Variants in NOC3L observed in about 807,000 individuals in gnomAD.
NOC3L encodes nucleolar complex protein 3 homolog.
In NOC3L, 85 loss-of-function variants were observed where a neutral mutation model predicts 102.5. That is an observed-to-expected ratio of 0.83 (90% confidence interval 0.70 to 0.99). The LOEUF (loss-of-function observed/expected upper bound fraction) is 0.99. Among genes scored for constraint, NOC3L ranks in the 50% least tolerant of loss-of-function variants. NOC3L has a pLI of 0.00. For missense variants in NOC3L, 878 were observed against 914.9 expected, an observed-to-expected ratio of 0.96 and a Z score of 0.52; for synonymous variants, 303 against 309.4, an observed-to-expected ratio of 0.98 and a Z score of 0.22.
rs1208654457 is a variant in NOC3L, at chr10:94,339,755, G to A, written c.1946C>T (p.Thr649Ile). Reference protein sequence around the residue: ...PNSSIGILATTRILMHTFPKT... With the variant: ...PNSSIGILATIRILMHTFPKT... Reference sequence around the variant, plus strand: ...ACTACTTACATGCATTAATATTCTGGTAGTTGCTAAAATGCCAATACTTGA... The same window carrying A: ...ACTACTTACATGCATTAATATTCTGATAGTTGCTAAAATGCCAATACTTGA... The change falls in exon 17 of 21, where the codon ACC (threonine) becomes ATC (isoleucine). Residue 649 changes from threonine to isoleucine, a missense_variant. Thr to Ile is a moderately conservative substitution (Grantham distance 89). Coordinates refer to ENST00000371361, the MANE Select transcript of NOC3L (RefSeq NM_022451.11). The A allele has an allele frequency of 3.1e-6, 5 of 1,613,710 alleles. No homozygotes were observed. The highest frequency in any genetic ancestry group is 2.2e-5 in the East Asian group (1 of 44,880).
chr10:94,357,373 T>A, intron 3 of NOC3L, 42 bp from the exon 4 acceptor site: 1 of 1,475,704 alleles, frequency 6.8e-7, no homozygotes, highest in Non-Finnish European at 9.0e-7. Context: ...TTAATAGATC[T>A]AAAAAGTTAT....
chr10:94,359,584 G>A (rs1157179826), intron 2 of NOC3L, among the ~76,000 whole-genome samples: 7 of 152,148 alleles, frequency 4.6e-5, no homozygotes, highest in Non-Finnish European at 8.8e-5. Flanking sequence ...CAAAAGATAT[G>A]AATAGACATT....
chr10:94,335,358 T>C (rs1242961146), intron 19 of NOC3L, among the ~76,000 whole-genome samples: 1 of 152,138 alleles, frequency 6.6e-6, no homozygotes, highest in Non-Finnish European at 1.5e-5. Context: ...GGAAACATCT[T>C]TCCTTAGCAA....
intron 6 of NOC3L, 127 bp from the exon 7 acceptor site, chr10:94,353,184 A>G (rs2054442234): frequency 1.4e-6 from 1 of 698,578 alleles, no homozygotes; most frequent in Admixed American, 2.8e-5. Context: ...GTCATGCCAC[A>G]CCAAACTCCA....
Position 94,357,986 on chromosome 10 carries a change from C to T in NOC3L, c.350+97G>A, listed in dbSNP as rs557253884. On this transcript the variant is annotated intron_variant, in intron 3 of 20. Transcript: ENST00000371361. ...TACTTTATTCTTTGTAAACATTGTG[C>T]TCAAAGGTGAACACCTTGAACCACC... 2.9e-3 allele frequency: 2,161 copies of T among 757,690 alleles called. 4 individuals carry two copies. The highest frequency in any genetic ancestry group is 4.2e-3 in the Non-Finnish European group (1,794 of 429,874). The allele number at this position is 757,690 out of a possible 1,614,324, so 46.9% of individuals were successfully genotyped here. A position where few individuals can be genotyped will look rare whatever the true frequency, so the allele number is the denominator to read the frequency against.
At chr10:94,349,820 G>A (rs573379534) in intron 9 of NOC3L, among the ~76,000 whole-genome samples, 22 of 151,950 alleles carry the variant, frequency 1.4e-4, no homozygotes, top group Admixed American at 8.5e-4. Flanking sequence ...GTGCAATGGC[G>A]CAATCTCAGC....
the NOC3L span, chr10:94,325,166 G>A: frequency 5.2e-6 from 6 of 1,155,160 alleles, no homozygotes; most frequent in African/African-American, 1.5e-5. Context: ...TGTAAGGAAG[G>A]CATAATTAGT....
the NOC3L span, chr10:94,324,392 C>T: frequency 6.2e-7 from 1 of 1,614,094 alleles, no homozygotes. Flanking sequence ...CTGAGCAACC[C>T]CAATCCAAGC....
At chr10:94,326,652 T>C in the NOC3L span, among the ~76,000 whole-genome samples, 1 of 152,220 alleles carries the variant, frequency 6.6e-6, no homozygotes, top group Admixed American at 6.5e-5. Flanking sequence ...AAAAATAATA[T>C]GCCTACTATA....
the NOC3L span, among the ~76,000 whole-genome samples, chr10:94,319,065 A>C: frequency 6.6e-6 from 1 of 152,098 alleles, no homozygotes; most frequent in African/African-American, 2.4e-5. Flanking sequence ...AAAAAAAAGT[A>C]TATGACAACA....
chr10:94,336,599 C>T (rs868397942), intron 19 of NOC3L, among the ~76,000 whole-genome samples: 4 of 151,708 alleles, frequency 2.6e-5, no homozygotes, highest in African/African-American at 9.7e-5. Flanking sequence ...CCACCCGCAT[C>T]GGCCTCCCAA....
intron 2 of NOC3L, 94 bp from the exon 3 acceptor site, chr10:94,358,309 A>C (rs1429609431): frequency 9.5e-6 from 7 of 735,576 alleles, no homozygotes; most frequent in Admixed American, 2.2e-5. Flanking sequence ...GGAAAAGCTT[A>C]CGCTTTCTGA....
At chr10:94,315,537 G>A in the NOC3L span, 1 of 455,702 alleles carries the variant, frequency 2.2e-6, no homozygotes, top group South Asian at 1.6e-5. Flanking sequence ...GGGAGGCCGA[G>A]GCGGGCAGAT....
At chr10:94,347,653 G>A (rs1472421065) in intron 10 of NOC3L, among the ~76,000 whole-genome samples, 3 of 152,002 alleles carry the variant, frequency 2.0e-5, no homozygotes, top group African/African-American at 7.2e-5. Context: ...AAATAAAATG[G>A]TAGAACAGCT....
the NOC3L span, chr10:94,325,040 G>A: frequency 6.2e-7 from 1 of 1,614,208 alleles, no homozygotes; most frequent in Non-Finnish European, 8.5e-7. Flanking sequence ...AAACCTGTGG[G>A]TGGCTTGTCC....
At chr10:94,317,584 G>T in the NOC3L span, among the ~76,000 whole-genome samples, 516 of 152,210 alleles carry the variant, frequency 3.4e-3, no homozygotes, top group African/African-American at 0.012. Context: ...TACAAAGTAA[G>T]AATAATATCT....
chr10:94,319,246 A>G, the NOC3L span, among the ~76,000 whole-genome samples: 1 of 152,202 alleles, frequency 6.6e-6, no homozygotes, highest in Non-Finnish European at 1.5e-5. Flanking sequence ...TGACTGAAAT[A>G]TATCTCAAAA....
At chr10:94,355,221 C>A in intron 5 of NOC3L, 128 bp from the exon 6 acceptor site, 2 of 704,690 alleles carry the variant, frequency 2.8e-6, no homozygotes, top group Non-Finnish European at 4.5e-6. Context: ...TACTACACAT[C>A]ATCTCCTCAA....
At chr10:94,348,855 T>C (rs887203807) in intron 10 of NOC3L, among the ~76,000 whole-genome samples, 1 of 152,084 alleles carries the variant, frequency 6.6e-6, no homozygotes, top group African/African-American at 2.4e-5. Context: ...ACACTGACTG[T>C]GGCAGCAAAA....
Sources: gnomAD v4.1 joint callset for allele counts (sites outside exome capture counted in the v4.1 genomes callset) on GRCh38, gnomAD v4.1.1 for gene constraint, MANE v1.5 for transcripts, NCBI Gene and HGNC (gene_info 2026-07-23, HGNC 2026-07-21) for gene names.